Variants in CSNK2A1 observed in about 807,000 individuals in gnomAD.
CSNK2A1 encodes casein kinase II subunit alpha.
In CSNK2A1, 10 loss-of-function variants were observed where a neutral mutation model predicts 62.9. The ratio of observed to expected loss-of-function variants is 0.16; its 90% CI spans 0.10 to 0.27. CSNK2A1 has a LOEUF of 0.27. CSNK2A1 is among the 10% of genes least tolerant of loss of function. The pLI is 1.00. For missense variants in CSNK2A1, 160 were observed against 492.0 expected (o/e 0.33, Z 6.38); for synonymous variants, 124 against 167.8 (o/e 0.74, Z 2.02).
At chr20:532,440 G>C (rs2019233664) in intron 1 of CSNK2A1, among the ~76,000 whole-genome samples, 4 of 150,244 alleles carry the variant, frequency 2.7e-5, no homozygotes. Flanking sequence ...GCCTCCCAAA[G>C]TGCTGGGATT....
chr20:505,955 AGC>A (rs2018576411), intron 3 of CSNK2A1: 1 of 146,612 alleles, frequency 6.8e-6, no homozygotes, highest in Non-Finnish European at 1.5e-5. Context: ...GCTCGCTGCA[AGC>A]CCCGCCTCCC....
intron 13 of CSNK2A1, among the ~76,000 whole-genome samples, chr20:484,805 G>A (rs1045404703): frequency 5.3e-5 from 8 of 151,676 alleles, no homozygotes; most frequent in South Asian, 2.1e-4. Flanking sequence ...AGTGTCTCAC[G>A]CCTGTAATGC....
At chr20:492,187 T>G in intron 9 of CSNK2A1, 67 bp downstream of exon 9, 1 of 1,392,832 alleles carries the variant, frequency 7.2e-7, no homozygotes, top group East Asian at 2.3e-5. Flanking sequence ...TGATACTTTT[T>G]TTTTTTTGGT....
intron 13 of CSNK2A1, among the ~76,000 whole-genome samples, chr20:485,104 AAAAAAAT>A (rs2018059798): frequency 1.1e-4 from 5 of 47,200 alleles, no homozygotes; most frequent in African/African-American, 3.9e-4. Context: ...AAAAAAAAAA[AAAAAAAT>A]ATATATATAT....
Position 483,767 on chromosome 20 carries a change from TAAA to T in CSNK2A1, c.*191_*193del. ...CCCCTGAGTTATGAAAAGTTCGAGT[TAAA>T]AAAAAAAAGAAAAAAGAAAATCAGC... On this transcript the variant is annotated 3_prime_UTR_variant, in exon 14 of 14. Coordinates refer to ENST00000217244, the MANE Select transcript of CSNK2A1 (RefSeq NM_177559.3). 1 of 327,108 alleles carries T rather than the reference TAAA, an allele frequency of 3.1e-6. No homozygotes were observed. The highest frequency in any genetic ancestry group is 5.3e-6 in the Non-Finnish European group (1 of 187,428). 20.3% of individuals were successfully genotyped at this position (327,108 alleles called of 1,614,324 possible).
chr20:509,804 C>T (rs751385030), intron 2 of CSNK2A1, among the ~76,000 whole-genome samples: 19 of 152,076 alleles, frequency 1.2e-4, no homozygotes, highest in Non-Finnish European at 1.9e-4. Context: ...CTTGAACTCC[C>T]AGGCTCAAGC....
intron 4 of CSNK2A1, 103 bp downstream of exon 4, chr20:505,015 C>T: frequency 1.1e-6 from 1 of 932,154 alleles, no homozygotes; most frequent in Non-Finnish European, 1.6e-6. Flanking sequence ...TATTTATTTG[C>T]TTTGGCACCA....
intron 10 of CSNK2A1, 100 bp downstream of exon 10, chr20:489,680 A>G: frequency 1.1e-6 from 1 of 898,824 alleles, no homozygotes; most frequent in Non-Finnish European, 1.6e-6. Flanking sequence ...AAGGATCAAT[A>G]TCGGGGTGGC....
chr20:487,271 TG>T, intron 12 of CSNK2A1, 155 bp downstream of exon 12: 1 of 955,470 alleles, frequency 1.0e-6, no homozygotes, highest in Non-Finnish European at 1.6e-6. Context: ...CCAGTAATTC[TG>T]CAATGTAGTT....
Position 508,669 on chromosome 20 carries a change from A to G in CSNK2A1, c.-109-9T>C. 1.2e-6 allele frequency: 1 copy of G among 825,352 alleles called. No homozygotes were observed. Among genetic ancestry groups the G allele is most frequent in the Non-Finnish European group, 1.9e-6 (1 of 521,314 alleles). The allele number at this position is 825,352 out of a possible 1,614,324, so 51.1% of individuals were successfully genotyped here. On this transcript the variant is annotated splice_polypyrimidine_tract_variant and intron_variant, in intron 2 of 13. Coordinates refer to ENST00000217244, the MANE Select transcript of CSNK2A1 (RefSeq NM_177559.3). ...GACCTGTTTTCTTCAAACTGCAGAAACAAAATGCACAAAGTCCAAGGAATC... is the reference window on the plus strand; with the variant it reads ...GACCTGTTTTCTTCAAACTGCAGAAGCAAAATGCACAAAGTCCAAGGAATC...
At chr20:539,486 C>T (rs1020214098) in intron 1 of CSNK2A1, 1 of 152,192 alleles carries the variant, frequency 6.6e-6, no homozygotes, top group Non-Finnish European at 1.5e-5. Context: ...TTTGACTTCC[C>T]CTTCTGCCTC....
At chr20:541,104 C>G (rs1229269168) in intron 1 of CSNK2A1, 2 of 152,206 alleles carry the variant, frequency 1.3e-5, no homozygotes, top group Admixed American at 6.5e-5. Context: ...TCCTCTCTAG[C>G]AAAGGCAAAT....
At chr20:490,694 G>GGCA (rs1382159337) in intron 9 of CSNK2A1, among the ~76,000 whole-genome samples, 1 of 144,654 alleles carries the variant, frequency 6.9e-6, no homozygotes, top group Non-Finnish European at 1.5e-5. Context: ...GTGAGCCACT[G>GGCA]TGCCTGGCTC....
At chr20:501,069 C>CTT (rs563750464) in intron 4 of CSNK2A1, 2 of 137,506 alleles carry the variant, frequency 1.5e-5, no homozygotes, top group East Asian at 2.1e-4. Context: ...TTTATAAAGC[C>CTT]TTTTTTTTTT....
chr20:532,270 T>A (rs2019228253), intron 1 of CSNK2A1, among the ~76,000 whole-genome samples: 1 of 151,950 alleles, frequency 6.6e-6, no homozygotes, highest in Non-Finnish European at 1.5e-5. Context: ...GTTCAAGCGA[T>A]TCCCCCGCCT....
rs750844221 is a variant in CSNK2A1, at chr20:478,793, G to C, written c.*5168C>G. ...AAAAAAAAAAAAAAAAATTAGCCAA[G>C]CATGATGGCTCGTGCCTGTAGTCCC... is the stretch of plus-strand genomic sequence containing the variant. On this transcript the variant is annotated 3_prime_UTR_variant, in exon 14 of 14. Transcript: ENST00000217244. 23 of 304,038 alleles carry C rather than the reference G, an allele frequency of 7.6e-5. No homozygotes were observed. Among genetic ancestry groups the C allele is most frequent in the Non-Finnish European group, 1.5e-4 (23 of 156,288 alleles). The allele number at this position is 304,038 out of a possible 1,614,324, so 18.8% of individuals were successfully genotyped here.
intron 2 of CSNK2A1, among the ~76,000 whole-genome samples, chr20:520,470 G>T (rs2018922497): frequency 6.6e-6 from 1 of 152,062 alleles, no homozygotes; most frequent in Admixed American, 6.6e-5. Context: ...GTTCAATGGA[G>T]AAAGGACATA....
At chr20:487,669 G>A in intron 11 of CSNK2A1, 94 bp from the exon 12 acceptor site, 1 of 1,560,718 alleles carries the variant, frequency 6.4e-7, no homozygotes, top group Non-Finnish European at 8.7e-7. Flanking sequence ...TAACAGCCCA[G>A]ACAAAAGCAA....
chr20:492,384 G>T lies in CSNK2A1; in HGVS notation c.511-20C>A, dbSNP rs910590145. On this transcript the variant is annotated intron_variant, in intron 8 of 13. Transcript: ENST00000217244. The stretch of plus-strand genomic sequence containing the variant: ...TCGTAGCTGAAAAAGAATAAACCAT[G>T]AGCAATCTTATCTTTCTCTAAGCTA... 2.5e-6 allele frequency: 4 copies of T among 1,611,898 alleles called. No homozygotes were observed. In the African/African-American group the frequency reaches 5.3e-5, roughly 22 times the overall value.
Sources: allele counts gnomAD v4.1 joint callset (sites outside exome capture counted in the v4.1 genomes callset), GRCh38; gene constraint gnomAD v4.1.1; transcripts MANE v1.5; gene names NCBI Gene and HGNC (gene_info 2026-07-23, HGNC 2026-07-21).